The following LRRFIP2 variants were observed in gnomAD, a reference collection of about 807,000 sequenced individuals.
LRRFIP2 encodes the protein LRR binding FLII interacting protein 2, also known as leucine-rich repeat flightless-interacting protein 2.
Under a neutral mutation model 125.9 loss-of-function variants are expected in LRRFIP2, and 109 were observed. The ratio of observed to expected loss-of-function variants is 0.87; its 90% CI spans 0.74 to 1.01. The LOEUF (loss-of-function observed/expected upper bound fraction) is 1.01. Ranked by LOEUF, LRRFIP2 falls within the 50% of genes least tolerant of loss-of-function variation. The pLI is 0.00. For synonymous variants in LRRFIP2, 291 were observed against 293.1 expected, an observed-to-expected ratio of 0.99 and a Z score of 0.07; for missense variants, 850 against 862.3, an observed-to-expected ratio of 0.99 and a Z score of 0.18.
chr3:37,123,170 T>C (rs1366204309), intron 4 of LRRFIP2, among the ~76,000 whole-genome samples: 1 of 150,950 alleles, frequency 6.6e-6, no homozygotes. Context: ...CTGATTTACA[T>C]TTGTTGTTGT....
chr3:37,106,944 GC>G (rs1455885028), intron 13 of LRRFIP2, among the ~76,000 whole-genome samples: 3 of 138,492 alleles, frequency 2.2e-5, no homozygotes, highest in African/African-American at 8.2e-5. Flanking sequence ...TGCTCTTGTT[GC>G]CCAGGCTGGA....
At chr3:37,113,103 T>C (rs2094611560) in intron 7 of LRRFIP2, 123 bp from the exon 8 acceptor site, 1 of 530,318 alleles carries the variant, frequency 1.9e-6, no homozygotes, top group African/African-American at 1.9e-5. Context: ...TTACATGCAA[T>C]TTATTTCCCA....
At chr3:37,142,826 C>T (rs2095746190) in intron 2 of LRRFIP2, among the ~76,000 whole-genome samples, 1 of 152,170 alleles carries the variant, frequency 6.6e-6, no homozygotes, top group South Asian at 2.1e-4. Flanking sequence ...AAGAGTATCA[C>T]CAACAGCCTA....
In LRRFIP2 at chr3:37,111,187, A is replaced by G. The variant is rs891787846; in HGVS notation, c.439-122T>C. ...ATATTGCCAAATCCCTTCTTCTCCA[A>G]AATGTTTTTAAATCATCATATCACA... On this transcript the variant is annotated intron_variant, in intron 8 of 27. Coordinates refer to ENST00000336686, the MANE Select transcript of LRRFIP2 (RefSeq NM_006309.4). The G allele has an allele frequency of 6.7e-5, 42 of 630,894 alleles. No homozygotes were observed. In the Middle Eastern group the frequency reaches 2.0e-3, roughly 30 times the overall value. The allele number at this position is 630,894 out of a possible 1,614,324, so 39.1% of individuals were successfully genotyped here. A position where few individuals can be genotyped will look rare whatever the true frequency, so the allele number is the denominator to read the frequency against.
At position 37,148,994 on chromosome 3, in the gene LRRFIP2, T is replaced by C. The variant is rs968887949; in HGVS notation, c.-11A>G. Reference sequence around the variant, plus strand: ...AGCAGGAGTCCCCATCTTGTGTTCTTAATAGTCTTTTAACTTTGAAAGTGA... The same window carrying C: ...AGCAGGAGTCCCCATCTTGTGTTCTCAATAGTCTTTTAACTTTGAAAGTGA... On this transcript the variant is annotated 5_prime_UTR_variant, in exon 2 of 28. Coordinates refer to ENST00000336686, the MANE Select transcript of LRRFIP2 (RefSeq NM_006309.4). 2 of 1,613,530 alleles carry C rather than the reference T, an allele frequency of 1.2e-6. No individual in the cohort carries two copies. Among genetic ancestry groups the C allele is most frequent in the African/African-American group, 1.3e-5 (1 of 74,908 alleles).
At chr3:37,138,157 G>A (rs1008698627) in intron 2 of LRRFIP2, among the ~76,000 whole-genome samples, 2 of 152,194 alleles carry the variant, frequency 1.3e-5, no homozygotes, top group African/African-American at 2.4e-5. Context: ...AAAGTAAAAC[G>A]TGATTAGCTA....
intron 18 of LRRFIP2, among the ~76,000 whole-genome samples, chr3:37,084,704 G>A (rs963911348): frequency 2.6e-5 from 4 of 151,658 alleles, no homozygotes; most frequent in Non-Finnish European, 5.9e-5. Context: ...GTCTGATCTA[G>A]TGTCACAGTT....
At position 37,096,642 on chromosome 3, in the gene LRRFIP2, T is replaced by A; in HGVS notation, c.892A>T (p.Lys298Ter). 1 of 1,570,876 alleles carries A rather than the reference T, an allele frequency of 6.4e-7. No individual in the cohort carries two copies. The highest frequency in any genetic ancestry group is 8.7e-7 in the Non-Finnish European group (1 of 1,149,264). Residue 298 changes from lysine (K) to a stop codon, truncating the protein, a stop_gained, in exon 16 of 28, where the codon AAA becomes TAA. Transcript: ENST00000336686. LOFTEE classifies it high-confidence loss of function. The part of the protein sequence containing the change: ...DLSSLDEKSD[K>*]QYAENYTRPS... ...CTTGTATAATTTTCAGCATACTGTT[T>A]GTCAGATTTTTCATCCAACTAGAAA...
chr3:37,109,649 T>C lies in LRRFIP2; in HGVS notation c.564+4A>G. 1.9e-6 allele frequency: 3 copies of C among 1,614,062 alleles called. No individual in the cohort carries two copies. The highest frequency in any genetic ancestry group is 2.5e-6 in the Non-Finnish European group (3 of 1,179,932). On this transcript the variant is annotated splice_donor_region_variant and intron_variant, in intron 10 of 27. Transcript: ENST00000336686. ...AGGCAGAACATTCCTCAGAAAGTAC[T>C]AACCCTGTCACTCTTATATGTTGCC...
chr3:37,088,085 G>T (rs924670216), intron 18 of LRRFIP2, among the ~76,000 whole-genome samples: 2 of 152,204 alleles, frequency 1.3e-5, no homozygotes, highest in African/African-American at 2.4e-5. Context: ...AAGTGCTGAA[G>T]CCACTGTGTT....
Position 37,102,968 on chromosome 3 carries a change from C to T in LRRFIP2, c.829G>A (p.Val277Ile). ...CTGATATCATCCACCTCAGAGACAA[C>T]ACTTCCCCTACGATTGGAGCGACTG... ...YFSRSNRRGS[V>I]VSEVDDISIP... The change falls in exon 15 of 28, where the codon GTT (valine) becomes ATT (isoleucine). Residue 277 changes from valine (V) to isoleucine (I), a missense_variant. Physicochemically the swap from Val to Ile is conservative, Grantham distance 29. Transcript: ENST00000336686. 6.4e-7 allele frequency: 1 copy of T among 1,566,506 alleles called. No homozygotes were observed.
intron 2 of LRRFIP2, among the ~76,000 whole-genome samples, chr3:37,145,329 A>C (rs990288636): frequency 6.6e-6 from 1 of 152,208 alleles, no homozygotes; most frequent in Non-Finnish European, 1.5e-5. Flanking sequence ...GACTTTATAC[A>C]ACCCAATAAA....
intron 1 of LRRFIP2, among the ~76,000 whole-genome samples, chr3:37,165,456 A>C (rs1216379188): frequency 1.4e-5 from 2 of 147,486 alleles, no homozygotes; most frequent in African/African-American, 5.0e-5. Context: ...CTTATACCAT[A>C]TAGAAAAGTT....
intron 17 of LRRFIP2, 101 bp downstream of exon 17, chr3:37,094,691 T>C: frequency 1.4e-6 from 1 of 740,624 alleles, no homozygotes; most frequent in Non-Finnish European, 2.3e-6. Flanking sequence ...AAAGAAATCA[T>C]ATTCCTTCTT....
chr3:37,077,500 CATAT>C (rs1273994914), intron 19 of LRRFIP2, among the ~76,000 whole-genome samples: 1 of 152,014 alleles, frequency 6.6e-6, no homozygotes, highest in Admixed American at 6.6e-5. Flanking sequence ...ATTATATATA[CATAT>C]ATATCTTTTT....
At chr3:37,126,086 T>C (rs1439783496) in intron 4 of LRRFIP2, among the ~76,000 whole-genome samples, 1 of 152,228 alleles carries the variant, frequency 6.6e-6, no homozygotes, top group African/African-American at 2.4e-5. Context: ...TAGAGTGCAG[T>C]GGCACAATCT....
In LRRFIP2 at chr3:37,064,037, ATT is replaced by A; in HGVS notation, c.1700-248_1700-247del. The A allele has an allele frequency of 6.8e-6, 3 of 443,154 alleles. No individual in the cohort carries two copies. In the South Asian group the frequency reaches 9.6e-5, roughly 14 times the overall value. 27.5% of individuals were successfully genotyped at this position (443,154 alleles called of 1,614,324 possible). A position where few individuals can be genotyped will look rare whatever the true frequency, so the allele number is the denominator to read the frequency against. On this transcript the variant is annotated intron_variant, in intron 23 of 27. Coordinates refer to ENST00000336686, the MANE Select transcript of LRRFIP2 (RefSeq NM_006309.4). The stretch of plus-strand genomic sequence containing the variant: ...CCAACATTTGTTCCCCACAGCAGTG[ATT>A]TGCCACTTAAAGACAAACAGAAGTA...
chr3:37,067,959 G>C (rs1575976175), intron 21 of LRRFIP2: 2 of 152,288 alleles, frequency 1.3e-5, no homozygotes, highest in South Asian at 2.1e-4. Context: ...GCTAGGAAAG[G>C]AGTCCATACG....
At chr3:37,149,785 G>T (rs1044643883) in intron 1 of LRRFIP2, among the ~76,000 whole-genome samples, 1 of 151,598 alleles carries the variant, frequency 6.6e-6, no homozygotes, top group African/African-American at 2.4e-5. Context: ...CAGATCACTT[G>T]AAGCCAGGAG....
Sources: gnomAD v4.1 joint callset for allele counts (sites outside exome capture counted in the v4.1 genomes callset) on GRCh38, gnomAD v4.1.1 for gene constraint, MANE v1.5 for transcripts, NCBI Gene and HGNC (gene_info 2026-07-23, HGNC 2026-07-21) for gene names.